Variants in CCSER1 observed in about 807,000 individuals in gnomAD.
CCSER1 encodes coiled-coil serine rich protein 1.
A neutral mutation model predicts 82.0 loss-of-function variants in CCSER1; 41 were observed. The ratio of observed to expected loss-of-function variants is 0.50; its 90% confidence interval spans 0.39 to 0.65. The LOEUF (loss-of-function observed/expected upper bound fraction) is 0.65, where lower values mean the gene tolerates loss of function less well. CCSER1 is among the 30% of genes least tolerant of loss of function. The pLI is 0.00. For missense variants in CCSER1, 1,119 were observed against 1,064.2 expected, an observed-to-expected ratio of 1.05 and a Z score of -0.72; for synonymous variants, 414 against 383.9, an observed-to-expected ratio of 1.08 and a Z score of -0.92.
chr4:91,359,666 A>T (rs1749114719), intron 10 of CCSER1, among the ~76,000 whole-genome samples: 1 of 151,866 alleles, frequency 6.6e-6, no homozygotes, highest in Non-Finnish European at 1.5e-5. Context: ...CAGGAGAGAA[A>T]AGGATATTGA....
intron 10 of CCSER1, among the ~76,000 whole-genome samples, chr4:91,306,326 C>T (rs979224225): frequency 1.3e-5 from 2 of 151,768 alleles, no homozygotes; most frequent in Non-Finnish European, 2.9e-5. Flanking sequence ...ACTTAAATTG[C>T]TTTAGCTTTT....
intron 7 of CCSER1, among the ~76,000 whole-genome samples, chr4:90,806,103 T>G (rs1757468177): frequency 6.6e-6 from 1 of 152,204 alleles, no homozygotes; most frequent in Non-Finnish European, 1.5e-5. Flanking sequence ...AAATTACTTT[T>G]GCACCAAGCT....
intron 3 of CCSER1, among the ~76,000 whole-genome samples, chr4:90,392,194 TTAAG>T (rs1751291948): frequency 6.6e-6 from 1 of 152,032 alleles, no homozygotes; most frequent in Non-Finnish European, 1.5e-5. Context: ...AGTTTTCTAC[TTAAG>T]TAATATATTT....
rs528160123 is a variant in CCSER1 at position 90,544,290 on chromosome 4, C to G, written c.1724+75936C>G. On this transcript the variant is annotated intron_variant, in intron 5 of 10. Transcript: ENST00000509176. ...GTAAGTCCAGGTGTCCCCCAAACCA[C>G]CTTAAGTATTTATAATTCACTGCCT... is the stretch of plus-strand genomic sequence containing the variant. Among the ~76,000 whole-genome samples, 41 of 152,226 alleles carry G rather than the reference C, an allele frequency of 2.7e-4. 1 individual carries two copies. The South Asian group carries it at 8.1e-3, about 30-fold the overall frequency.
chr4:91,589,574 CTTT>C (rs11411865), intron 10 of CCSER1, among the ~76,000 whole-genome samples: 6,309 of 144,608 alleles, frequency 0.044, 281 homozygotes, highest in African/African-American at 0.11. Context: ...ACAAGAGGCT[CTTT>C]TTTTTTTTTT....
intron 10 of CCSER1, among the ~76,000 whole-genome samples, chr4:91,458,567 G>C (rs1028069672): frequency 6.6e-6 from 1 of 152,118 alleles, no homozygotes; most frequent in Non-Finnish European, 1.5e-5. Context: ...AATGTCATTG[G>C]TATTTTGATA....
intron 10 of CCSER1, among the ~76,000 whole-genome samples, chr4:91,561,523 T>G (rs1229172055): frequency 6.6e-6 from 1 of 151,412 alleles, no homozygotes; most frequent in Admixed American, 6.6e-5. Context: ...TTTAGCTCAT[T>G]ATACTTAGTA....
intron 9 of CCSER1, among the ~76,000 whole-genome samples, chr4:90,961,457 A>G (rs921829507): frequency 6.6e-6 from 1 of 152,190 alleles, no homozygotes; most frequent in Non-Finnish European, 1.5e-5. Context: ...GTCTATACCT[A>G]TATTAAATGT....
chr4:90,841,124 A>G (rs953218071), intron 8 of CCSER1, among the ~76,000 whole-genome samples: 4 of 140,730 alleles, frequency 2.8e-5, no homozygotes, highest in Non-Finnish European at 6.4e-5. Context: ...TAAGATCAGT[A>G]TCTGAAAACC....
At position 91,416,102 on chromosome 4, in the gene CCSER1, G is replaced by C. The variant is rs539957302; in HGVS notation, c.2218-182470G>C. On this transcript the variant is annotated intron_variant, in intron 10 of 10. Transcript: ENST00000509176. ...TGTTATTGGTCTATTCAGGGATTCAGTTTCTTCCTGGTTCAGTCTTGGGTA... is the reference window on the plus strand; with the variant it reads ...TGTTATTGGTCTATTCAGGGATTCACTTTCTTCCTGGTTCAGTCTTGGGTA... 4.6e-5 allele frequency among the ~76,000 whole-genome samples: 7 copies of C among 151,962 alleles called. No homozygotes were observed. The South Asian group carries it at 8.3e-4, about 18-fold the overall frequency.
intron 7 of CCSER1, among the ~76,000 whole-genome samples, chr4:90,814,842 C>G (rs1353807644): frequency 1.3e-5 from 2 of 152,132 alleles, no homozygotes; most frequent in Non-Finnish European, 2.9e-5. Context: ...TAATCAAAAC[C>G]ATTTTAGTTT....
intron 1 of CCSER1, among the ~76,000 whole-genome samples, chr4:90,218,603 C>A (rs1169772727): frequency 1.3e-5 from 2 of 152,168 alleles, no homozygotes; most frequent in Non-Finnish European, 1.5e-5. Context: ...ATAATAAGGG[C>A]AAGTGATAAC....
chr4:90,860,472 A>G (rs983476276), intron 8 of CCSER1, among the ~76,000 whole-genome samples: 9 of 151,662 alleles, frequency 5.9e-5, no homozygotes. Context: ...TAGAGTTAAC[A>G]TTTTTTGATA....
At chr4:90,757,908 T>C (rs1158455467) in intron 7 of CCSER1, among the ~76,000 whole-genome samples, 1 of 151,836 alleles carries the variant, frequency 6.6e-6, no homozygotes, top group Non-Finnish European at 1.5e-5. Context: ...GACAACCAGC[T>C]GTACAATAGT....
At chr4:90,588,240 C>T (rs888337435) in intron 5 of CCSER1, among the ~76,000 whole-genome samples, 1 of 152,128 alleles carries the variant, frequency 6.6e-6, no homozygotes, top group Non-Finnish European at 1.5e-5. Context: ...ATTATGTTAT[C>T]ATTTGATAGC....
intron 10 of CCSER1, among the ~76,000 whole-genome samples, chr4:91,353,816 C>T (rs1239057115): frequency 6.6e-6 from 1 of 152,086 alleles, no homozygotes; most frequent in Non-Finnish European, 1.5e-5. Context: ...ACTATGATTA[C>T]TTTTATTATA....
chr4:90,507,400 A>G (rs1770853742), intron 5 of CCSER1, among the ~76,000 whole-genome samples: 1 of 152,070 alleles, frequency 6.6e-6, no homozygotes, highest in African/African-American at 2.4e-5. Context: ...TTATTTGAAA[A>G]AAACATACAA....
intron 5 of CCSER1, among the ~76,000 whole-genome samples, chr4:90,518,606 A>T (rs1772611543): frequency 6.6e-6 from 1 of 152,012 alleles, no homozygotes; most frequent in Non-Finnish European, 1.5e-5. Flanking sequence ...TAATACAGTG[A>T]CTATAATAAG....
intron 8 of CCSER1, among the ~76,000 whole-genome samples, chr4:90,838,245 T>C (rs77515326): frequency 0.032 from 4,847 of 151,574 alleles, 263 homozygotes; most frequent in African/African-American, 0.11. Flanking sequence ...ATGTGATCTT[T>C]ATGGAATTTT....
Sources: allele counts gnomAD v4.1 joint callset (sites outside exome capture counted in the v4.1 genomes callset), GRCh38; gene constraint gnomAD v4.1.1; transcripts MANE v1.5; gene names NCBI Gene and HGNC (gene_info 2026-07-23, HGNC 2026-07-21).